The following MYRFL variants were observed in gnomAD, a reference collection of about 807,000 sequenced individuals.
MYRFL encodes the protein myelin regulatory factor-like protein.
MYRFL carries 88 observed loss-of-function variants against 109.4 expected under a neutral mutation model. The ratio of observed to expected loss-of-function variants is 0.80; its 90% CI spans 0.68 to 0.96. The LOEUF (loss-of-function observed/expected upper bound fraction) is 0.96. Ranked by LOEUF, MYRFL falls within the 40% of genes least tolerant of loss-of-function variation. The pLI, the probability that MYRFL is intolerant of heterozygous loss-of-function variation, is 0.00. For missense variants in MYRFL, 957 were observed against 954.9 expected (o/e 1.00, Z -0.03); for synonymous variants, 324 against 320.9 (o/e 1.01, Z -0.10).
chr12:69,897,088 G>T lies in MYRFL; in HGVS notation c.1092-68G>T. 6.0e-6 allele frequency: 6 copies of T among 1,007,052 alleles called. No homozygotes were observed. The South Asian group carries it at 6.8e-5, about 11-fold the overall frequency. The allele number at this position is 1,007,052 out of a possible 1,614,324, so 62.4% of individuals were successfully genotyped here. ...TTCACTATTGATCAACTGTTGGGTG[G>T]TATTTGTTTGTACAAATTGTGTCTC... On this transcript the variant is annotated intron_variant, in intron 9 of 24. Transcript: ENST00000552032.
intron 11 of MYRFL, among the ~76,000 whole-genome samples, chr12:69,906,928 A>G (rs1954382212): frequency 1.3e-5 from 2 of 152,236 alleles, no homozygotes; most frequent in South Asian, 4.1e-4. Flanking sequence ...GCTGATGGCT[A>G]TTTGCATCCA....
chr12:69,898,468 G>A (rs1954075082), intron 10 of MYRFL, among the ~76,000 whole-genome samples: 2 of 152,264 alleles, frequency 1.3e-5, no homozygotes, highest in South Asian at 4.1e-4. Context: ...GGCAGGTGGG[G>A]CCCTCTCCTT....
chr12:69,932,793 CT>C (rs1442019145), intron 16 of MYRFL, among the ~76,000 whole-genome samples, 195 bp downstream of exon 16: 1 of 151,866 alleles, frequency 6.6e-6, no homozygotes, highest in Non-Finnish European at 1.5e-5. Flanking sequence ...AAAGCACAGG[CT>C]TTCTGCCTTA....
intron 1 of MYRFL, among the ~76,000 whole-genome samples, chr12:69,850,752 A>C (rs958620339): frequency 2.0e-5 from 3 of 152,092 alleles, no homozygotes; most frequent in Non-Finnish European, 4.4e-5. Context: ...TTCAGTCTAA[A>C]TCCTATATTT....
At chr12:69,950,397 T>C (rs764615081) in intron 19 of MYRFL, among the ~76,000 whole-genome samples, 1 of 152,180 alleles carries the variant, frequency 6.6e-6, no homozygotes, top group African/African-American at 2.4e-5. Context: ...GATTATTCTA[T>C]GAAACAGTCC....
rs1050265590 is a variant in MYRFL at position 69,910,027 on chromosome 12, A to G, written c.1442A>G (p.Tyr481Cys). 99 of 1,534,906 alleles carry G rather than the reference A, an allele frequency of 6.4e-5. No individual in the cohort carries two copies. The highest frequency in any genetic ancestry group is 7.9e-5 in the Admixed American group (4 of 50,728). ...IAQMRIVEYD[Y>C]KPEFASAMGI... ...CAAATGAGAATTGTTGAATATGACT[A>G]CAAACCTGAATTTGCATCTGCAATG... Residue 481 changes from tyrosine (Y) to cysteine (C), a missense_variant, in exon 12 of 25, where the codon TAC (tyrosine) becomes TGC (cysteine). Tyr to Cys is a radical substitution (Grantham distance 194). Coordinates refer to ENST00000552032, the MANE Select transcript of MYRFL (RefSeq NM_182530.3).
At chr12:69,939,562 CA>C (rs1277527654) in intron 19 of MYRFL, among the ~76,000 whole-genome samples, 1 of 152,034 alleles carries the variant, frequency 6.6e-6, no homozygotes, top group African/African-American at 2.4e-5. Flanking sequence ...CATCAAAGAC[CA>C]AAAGTAGAAA....
intron 1 of MYRFL, among the ~76,000 whole-genome samples, chr12:69,849,946 C>T (rs139473692): frequency 6.0e-4 from 91 of 152,282 alleles, no homozygotes; most frequent in African/African-American, 2.1e-3. Flanking sequence ...TGGTTTGGCT[C>T]TGTGTCCCCA....
At chr12:69,870,227 A>AT (rs71094744) in intron 2 of MYRFL, among the ~76,000 whole-genome samples, 61,001 of 110,548 alleles carry the variant, frequency 0.55, 18,246 homozygotes, top group Non-Finnish European at 0.63. Flanking sequence ...CGTCTGGCTA[A>AT]TTTTTTTTTT....
At chr12:69,903,235 T>A (rs538830204) in intron 10 of MYRFL, among the ~76,000 whole-genome samples, 4 of 152,368 alleles carry the variant, frequency 2.6e-5, no homozygotes, top group African/African-American at 9.6e-5. Flanking sequence ...GGTATTTTTA[T>A]TTATCTGACT....
intron 5 of MYRFL, among the ~76,000 whole-genome samples, chr12:69,885,479 C>T (rs1886391486): frequency 6.6e-6 from 1 of 152,156 alleles, no homozygotes; most frequent in South Asian, 2.1e-4. Flanking sequence ...TAGGTGGATA[C>T]ATTCAATAGG....
intron 19 of MYRFL, among the ~76,000 whole-genome samples, chr12:69,944,750 G>T (rs1407300124): frequency 1.3e-5 from 2 of 152,124 alleles, no homozygotes; most frequent in African/African-American, 4.8e-5. Context: ...CTAGGGGAGG[G>T]ATAGCATTAG....
rs753134328 is a variant in MYRFL, at chr12:69,879,067, C to T, written c.177C>T (p.Ser59=). 27 of 703,000 alleles carry T rather than the reference C, an allele frequency of 3.8e-5. No homozygotes were observed. Among genetic ancestry groups the T allele is most frequent in the East Asian group, 2.1e-4 (8 of 37,288 alleles). The allele number at this position is 703,000 out of a possible 1,614,324, so 43.5% of individuals were successfully genotyped here. Residue 59 remains serine (S), a synonymous_variant, in exon 3 of 25, where the codon TCC becomes TCT. Transcript: ENST00000552032. ...QLPDTPPYSA[S]DSCSPPQVKG... ...CAGACACCCCGCCCTATTCTGCATC[C>T]GACTCATGCTCTCCTCCGCAGGTCA...
intron 2 of MYRFL, among the ~76,000 whole-genome samples, chr12:69,877,665 C>T (rs1885771434): frequency 6.6e-6 from 1 of 152,058 alleles, no homozygotes; most frequent in African/African-American, 2.4e-5. Flanking sequence ...AGATGTGTGT[C>T]CTCTCTTCCC....
At chr12:69,862,318 G>T (rs1374191846) in intron 2 of MYRFL, among the ~76,000 whole-genome samples, 2 of 150,952 alleles carry the variant, frequency 1.3e-5, no homozygotes, top group African/African-American at 4.8e-5. Context: ...GGATGGCATT[G>T]AATCTATAAA....
chr12:69,864,658 CACACACACACAA>C (rs71094743), intron 2 of MYRFL, among the ~76,000 whole-genome samples: 13,347 of 52,858 alleles, frequency 0.25, 987 homozygotes, highest in African/African-American at 0.41. Flanking sequence ...CACACACACA[CACACACACACAA>C]ACACACACAC....
At chr12:69,883,282 C>T (rs1047785054) in intron 5 of MYRFL, among the ~76,000 whole-genome samples, 7 of 152,284 alleles carry the variant, frequency 4.6e-5, no homozygotes, top group African/African-American at 1.7e-4. Context: ...CTTTAGAAAT[C>T]CTTTTGGCAG....
chr12:69,914,956 C>T (rs1268339335), intron 13 of MYRFL, among the ~76,000 whole-genome samples: 1 of 152,210 alleles, frequency 6.6e-6, no homozygotes, highest in African/African-American at 2.4e-5. Context: ...AACATCTCCC[C>T]ACTCTGATGA....
intron 16 of MYRFL, 44 bp downstream of exon 16, chr12:69,932,642 C>A: frequency 7.2e-7 from 1 of 1,392,384 alleles, no homozygotes; most frequent in South Asian, 1.2e-5. Flanking sequence ...CTCTTTTGTT[C>A]CTTCCCATGT....
Sources: gnomAD v4.1 joint callset for allele counts (sites outside exome capture counted in the v4.1 genomes callset) on GRCh38, gnomAD v4.1.1 for gene constraint, MANE v1.5 for transcripts, NCBI Gene and HGNC (gene_info 2026-07-23, HGNC 2026-07-21) for gene names.